VXN: variants seen among roughly 807,000 people sequenced by gnomAD.
VXN encodes vexin.
VXN carries 7 observed loss-of-function variants against 23.1 expected under a neutral mutation model. That is an observed-to-expected ratio of 0.30 (90% CI 0.17 to 0.57). The LOEUF (loss-of-function observed/expected upper bound fraction) is 0.57. Among genes scored for constraint, VXN ranks in the 20% least tolerant of loss-of-function variants. The pLI, the probability that VXN is intolerant of heterozygous loss-of-function variation, is 0.91. For missense variants in VXN, 238 were observed against 272.6 expected, an observed-to-expected ratio of 0.87 and a Z score of 0.89; for synonymous variants, 120 against 105.8, an observed-to-expected ratio of 1.13 and a Z score of -0.83.
chr8:66,504,413 C>A (rs1401050666), intron 2 of VXN, among the ~76,000 whole-genome samples: 1 of 150,738 alleles, frequency 6.6e-6, no homozygotes, highest in Non-Finnish European at 1.5e-5. Context: ...CGCCCCCCCA[C>A]CCCCAGAATG....
chr8:66,503,119 T>A (rs914910747), intron 2 of VXN, among the ~76,000 whole-genome samples: 2 of 152,174 alleles, frequency 1.3e-5, no homozygotes, highest in African/African-American at 2.4e-5. Context: ...GTGCTGGGAT[T>A]ACAGGCATAA....
At chr8:66,513,668 G>GT (rs1807851962) in intron 5 of VXN, 31 bp downstream of exon 5, 1 of 1,582,248 alleles carries the variant, frequency 6.3e-7, no homozygotes, top group Non-Finnish European at 8.7e-7. Context: ...CCCACTGCCT[G>GT]TGGCCTCCCA....
chr8:66,516,033 C>G lies in VXN; in HGVS notation c.581C>G (p.Ser194Cys), dbSNP rs760869033. 2 of 1,613,286 alleles carry G rather than the reference C, an allele frequency of 1.2e-6. No individual in the cohort carries two copies. The highest frequency in any genetic ancestry group is 2.7e-5 in the African/African-American group (2 of 74,916). Residue 194 changes from serine (S) to cysteine (C), a missense_variant, in exon 6 of 6, where the codon TCT (serine) becomes TGT (cysteine). Ser to Cys is a moderately radical substitution (Grantham distance 112). Transcript: ENST00000305454. ...ATGTGGACAAGGCACAAGAAGAAGT[C>G]TGAATATGTGGGAGCCACCAACAGC... is the stretch of plus-strand genomic sequence containing the variant. Reference protein sequence around the residue: ...RKMWTRHKKKSEYVGATNSAF... With the variant: ...RKMWTRHKKKCEYVGATNSAF...
At chr8:66,493,847 G>A in intron 1 of VXN, 129 bp downstream of exon 1, 3 of 708,808 alleles carry the variant, frequency 4.2e-6, no homozygotes, top group Non-Finnish European at 7.2e-6. Context: ...CGGTTTTGAT[G>A]GTATTTGATT....
At chr8:66,512,865 G>C (rs1386601293) in intron 4 of VXN, among the ~76,000 whole-genome samples, 1 of 152,230 alleles carries the variant, frequency 6.6e-6, no homozygotes, top group Non-Finnish European at 1.5e-5. Context: ...TGACACACGG[G>C]ACCAATGGGA....
At chr8:66,504,300 G>A (rs1807722976) in intron 2 of VXN, among the ~76,000 whole-genome samples, 2 of 152,114 alleles carry the variant, frequency 1.3e-5, no homozygotes, top group South Asian at 2.1e-4. Context: ...TACAAAGTGG[G>A]TCTGAAAACT....
chr8:66,509,693 A>G (rs1004950462), intron 3 of VXN, among the ~76,000 whole-genome samples: 12 of 152,348 alleles, frequency 7.9e-5, no homozygotes, highest in Middle Eastern at 3.4e-3. Flanking sequence ...GTGCTAAATG[A>G]TCCACATGTG....
intron 3 of VXN, among the ~76,000 whole-genome samples, chr8:66,506,638 C>T (rs1807762923): frequency 6.6e-6 from 1 of 152,160 alleles, no homozygotes; most frequent in African/African-American, 2.4e-5. Context: ...ATTATAAGGA[C>T]TGAAATAAGA....
At chr8:66,498,329 C>G in intron 2 of VXN, among the ~76,000 whole-genome samples, 1 of 151,802 alleles carries the variant, frequency 6.6e-6, no homozygotes, top group Non-Finnish European at 1.5e-5. Flanking sequence ...TGAGACCCTG[C>G]CTCAAATAAA....
intron 4 of VXN, among the ~76,000 whole-genome samples, chr8:66,513,029 G>C (rs1377338617): frequency 6.6e-6 from 1 of 152,176 alleles, no homozygotes; most frequent in African/African-American, 2.4e-5. Context: ...GGATCTGGTC[G>C]GAAGCAAGGA....
At chr8:66,506,271 G>GTGTGTGTGTT (rs1214238502) in intron 3 of VXN, among the ~76,000 whole-genome samples, 1 of 148,056 alleles carries the variant, frequency 6.8e-6, no homozygotes, top group African/African-American at 2.5e-5. Flanking sequence ...GTGTGTGTGT[G>GTGTGTGTGTT]TAAAATTGTA....
intron 2 of VXN, among the ~76,000 whole-genome samples, chr8:66,501,946 A>G (rs1807696727): frequency 2.0e-5 from 3 of 152,178 alleles, no homozygotes; most frequent in Admixed American, 2.0e-4. Flanking sequence ...CTTATTTTGC[A>G]ACTGTACCAT....
chr8:66,497,878 A>AGCCAGGCG (rs1175624769), intron 2 of VXN, among the ~76,000 whole-genome samples: 2 of 152,158 alleles, frequency 1.3e-5, no homozygotes. Flanking sequence ...TCAAAAAATT[A>AGCCAGGCG]GCCAGGCGGC....
intron 3 of VXN, 105 bp downstream of exon 3, chr8:66,505,633 T>C (rs1807745003): frequency 1.2e-5 from 16 of 1,329,026 alleles, no homozygotes; most frequent in Non-Finnish European, 1.6e-5. Context: ...GGCTGCGGCC[T>C]CAGTCGCGCC....
Position 66,505,481 on chromosome 8 carries a change from C to A in VXN, c.233C>A (p.Thr78Asn). The A allele has an allele frequency of 6.4e-7, 1 of 1,568,350 alleles. No homozygotes were observed. Among genetic ancestry groups the A allele is most frequent in the Non-Finnish European group, 8.6e-7 (1 of 1,158,594 alleles). The change falls in exon 3 of 6, where the codon ACC (threonine) becomes AAC (asparagine). Residue 78 changes from threonine to asparagine, a missense_variant. Coordinates refer to ENST00000305454, the MANE Select transcript of VXN (RefSeq NM_152765.4). Reference sequence around the variant, plus strand: ...CGCCGCAGGTTTGGGCGGCTCCAGACCGCGCGGCCGCCCACAGCCCACCCG... The same window carrying A: ...CGCCGCAGGTTTGGGCGGCTCCAGAACGCGCGGCCGCCCACAGCCCACCCG... ...GDRRRFGRLQ[T>N]ARPPTAHPAK...
intron 5 of VXN, among the ~76,000 whole-genome samples, chr8:66,515,571 C>A (rs1807877977): frequency 6.6e-6 from 1 of 152,190 alleles, no homozygotes; most frequent in Admixed American, 6.5e-5. Context: ...TCCTTTCCAG[C>A]AAGTTTGTTC....
chr8:66,516,374 A>C lies in VXN; in HGVS notation c.*298A>C. The C allele has an allele frequency of 4.8e-6, 1 of 207,962 alleles. No homozygotes were observed. 12.9% of individuals were successfully genotyped at this position (207,962 alleles called of 1,614,324 possible). A position where few individuals can be genotyped will look rare whatever the true frequency, so the allele number is the denominator to read the frequency against. On this transcript the variant is annotated 3_prime_UTR_variant, in exon 6 of 6. Coordinates refer to ENST00000305454, the MANE Select transcript of VXN (RefSeq NM_152765.4). ...AATTAAACTTTCCCAGCTCATTTTA[A>C]AGACCTCCAAGGAAGGAAAAAAGCA...
chr8:66,496,476 A>G lies in VXN; in HGVS notation c.110A>G (p.His37Arg), dbSNP rs771005102. 4.2e-5 allele frequency: 67 copies of G among 1,614,002 alleles called. No homozygotes were observed. In the Admixed American group the frequency reaches 1.1e-3, roughly 26 times the overall value. The part of the protein sequence containing the change: ...PARRRAKSSQ[H>R]LLTKNVVIES... Reference sequence around the variant, plus strand: ...AGAAGAAGAGCCAAAAGCTCTCAGCACCTCTTGACCAAGAATGTAAGGAAA... The same window carrying G: ...AGAAGAAGAGCCAAAAGCTCTCAGCGCCTCTTGACCAAGAATGTAAGGAAA... The change falls in exon 2 of 6, where the codon CAC becomes CGC. Residue 37 changes from histidine (H) to arginine (R), a missense_variant. Physicochemically the swap from His to Arg is conservative, Grantham distance 29. This residue lies in a region of VXN where 223 missense variants were observed against 236.9 expected (regional missense o/e 0.94). Coordinates refer to ENST00000305454, the MANE Select transcript of VXN (RefSeq NM_152765.4).
intron 3 of VXN, among the ~76,000 whole-genome samples, chr8:66,508,406 C>A (rs943181067): frequency 3.3e-5 from 5 of 152,170 alleles, no homozygotes; most frequent in African/African-American, 1.2e-4. Flanking sequence ...TGTGCTCCCT[C>A]AGCTTTAAGT....
Sources: gnomAD v4.1 joint callset for allele counts (sites outside exome capture counted in the v4.1 genomes callset) on GRCh38, gnomAD v4.1.1 for gene constraint, gnomAD v4.1.1 regional missense constraint, MANE v1.5 for transcripts, NCBI Gene and HGNC (gene_info 2026-07-23, HGNC 2026-07-21) for gene names.